The following GRIK2 variants were observed in gnomAD, a reference collection of about 807,000 sequenced individuals.
GRIK2 encodes the protein glutamate receptor ionotropic, kainate 2.
A neutral mutation model predicts 100.3 loss-of-function variants in GRIK2; 32 were observed. The observed-to-expected ratio is 0.32, with a 90% CI of 0.24 to 0.43. The LOEUF (loss-of-function observed/expected upper bound fraction) is 0.43, where lower values mean the gene tolerates loss of function less well. Ranked by LOEUF, GRIK2 falls within the 20% of genes least tolerant of loss-of-function variation. The pLI, the probability that GRIK2 is intolerant of heterozygous loss-of-function variation, is 1.00. For missense variants in GRIK2, 843 were observed against 1,114.9 expected (o/e 0.76, Z 3.47); for synonymous variants, 417 against 389.4 (o/e 1.07, Z -0.83).
chr6:101,708,969 T>A (rs545217997), intron 7 of GRIK2, among the ~76,000 whole-genome samples: 1 of 151,990 alleles, frequency 6.6e-6, no homozygotes, highest in Non-Finnish European at 1.5e-5. Context: ...GATTTCCTTG[T>A]ATATATTATT....
intron 7 of GRIK2, among the ~76,000 whole-genome samples, chr6:101,707,802 T>A (rs900077788): frequency 6.8e-4 from 103 of 151,544 alleles, no homozygotes; most frequent in Non-Finnish European, 5.9e-5. Flanking sequence ...ATCAGAAAGA[T>A]TGCAAGATCT....
intron 10 of GRIK2, among the ~76,000 whole-genome samples, chr6:101,846,581 G>A (rs1783825414): frequency 6.6e-6 from 1 of 152,058 alleles, no homozygotes; most frequent in Non-Finnish European, 1.5e-5. Context: ...AAGAGTTTGA[G>A]AAGGATTGGT....
At chr6:101,406,917 T>C (rs1775626213) in intron 2 of GRIK2, among the ~76,000 whole-genome samples, 1 of 152,130 alleles carries the variant, frequency 6.6e-6, no homozygotes, top group Non-Finnish European at 1.5e-5. Flanking sequence ...TTTCAATCAA[T>C]TAGCTACTTT....
In GRIK2 at chr6:101,978,292, A is replaced by G. The variant is rs1228772437; in HGVS notation, c.2085+49660A>G. Among the ~76,000 whole-genome samples, 5 of 152,074 alleles carry G rather than the reference A, an allele frequency of 3.3e-5. No homozygotes were observed. In the East Asian group the frequency reaches 9.7e-4, roughly 30 times the overall value. ...TGAGAGTTGTTATATGCACTTAATT[A>G]TACATTTCTATATGTAATTATAAAG... On this transcript the variant is annotated intron_variant, in intron 14 of 16. Transcript: ENST00000369134.
chr6:102,047,112 C>T (rs551201468), intron 15 of GRIK2, among the ~76,000 whole-genome samples: 18 of 151,970 alleles, frequency 1.2e-4, no homozygotes, highest in African/African-American at 4.1e-4. Context: ...TTAAAAAGAA[C>T]GAAGATCCCA....
chr6:101,691,829 A>G (rs1419606443), intron 7 of GRIK2, among the ~76,000 whole-genome samples: 32 of 152,072 alleles, frequency 2.1e-4, no homozygotes, highest in Admixed American at 2.1e-3. Flanking sequence ...TTGTATATAC[A>G]TCTTACAGCA....
At chr6:101,582,491 T>A (rs1778149711) in intron 2 of GRIK2, among the ~76,000 whole-genome samples, 1 of 152,156 alleles carries the variant, frequency 6.6e-6, no homozygotes, top group Non-Finnish European at 1.5e-5. Flanking sequence ...CCTTCTGCCA[T>A]GATTGTAAGT....
intron 2 of GRIK2, among the ~76,000 whole-genome samples, chr6:101,603,073 A>G (rs1779296816): frequency 6.6e-6 from 1 of 151,752 alleles, no homozygotes; most frequent in Admixed American, 6.6e-5. Flanking sequence ...ATTTTAATAT[A>G]TAATCTTCCT....
At chr6:101,464,542 G>GAGT (rs1354137292) in intron 2 of GRIK2, among the ~76,000 whole-genome samples, 2 of 92,564 alleles carry the variant, frequency 2.2e-5, no homozygotes, top group African/African-American at 8.3e-5. Flanking sequence ...TTTTGAGACA[G>GAGT]AGTCTCACTC....
intron 10 of GRIK2, among the ~76,000 whole-genome samples, chr6:101,838,234 A>G (rs1582347526): frequency 6.6e-6 from 1 of 152,174 alleles, no homozygotes; most frequent in East Asian, 1.9e-4. Flanking sequence ...AGTTTACTTC[A>G]TTTTGGAGAG....
rs34999814 is a variant in GRIK2, at chr6:101,601,120, G to GT, written c.116-20811dup. ...GTTCCTCTGATGCCTAGTTTGTTGA[G>GT]TTTTTTTTTTTTTTTTTTATCATGA... On this transcript the variant is annotated intron_variant, in intron 2 of 16. Coordinates refer to ENST00000369134, the MANE Select transcript of GRIK2 (RefSeq NM_021956.5). Among the ~76,000 whole-genome samples, 948 of 140,348 alleles carry GT rather than the reference G, an allele frequency of 6.8e-3. 4 individuals carry two copies. Among genetic ancestry groups the GT allele is most frequent in the East Asian group, 0.018 (85 of 4,618 alleles). 92.1% of individuals were successfully genotyped at this position (140,348 alleles called of 152,430 possible).
At chr6:101,820,809 A>T (rs561268496) in intron 10 of GRIK2, among the ~76,000 whole-genome samples, 1 of 152,092 alleles carries the variant, frequency 6.6e-6, no homozygotes, top group African/African-American at 2.4e-5. Context: ...CTCAAATGCT[A>T]CCCACTTCAT....
intron 11 of GRIK2, among the ~76,000 whole-genome samples, chr6:101,872,006 T>C (rs1450675617): frequency 2.5e-4 from 38 of 151,974 alleles, no homozygotes; most frequent in Non-Finnish European, 2.9e-5. Context: ...TTATAAGTGT[T>C]CCTTTTTCTT....
At chr6:101,739,524 C>T (rs1425099917) in intron 7 of GRIK2, among the ~76,000 whole-genome samples, 2 of 152,098 alleles carry the variant, frequency 1.3e-5, no homozygotes, top group African/African-American at 4.8e-5. Context: ...AAGTACTTCA[C>T]CTCTGGGCAG....
intron 7 of GRIK2, among the ~76,000 whole-genome samples, chr6:101,731,716 T>G (rs1247915695): frequency 6.6e-6 from 1 of 151,906 alleles, no homozygotes; most frequent in Non-Finnish European, 1.5e-5. Flanking sequence ...AACAGACACA[T>G]GTATAGACTA....
At chr6:101,457,576 C>T (rs1179160885) in intron 2 of GRIK2, among the ~76,000 whole-genome samples, 1 of 151,980 alleles carries the variant, frequency 6.6e-6, no homozygotes, top group Non-Finnish European at 1.5e-5. Flanking sequence ...GACTTTTTCA[C>T]TTCTAAAAAT....
At chr6:101,574,224 G>A (rs906315445) in intron 2 of GRIK2, among the ~76,000 whole-genome samples, 2 of 149,544 alleles carry the variant, frequency 1.3e-5, no homozygotes, top group Non-Finnish European at 3.0e-5. Context: ...TTTTAAAACA[G>A]CAAATGTGAG....
chr6:101,763,129 C>A (rs1476047767), intron 7 of GRIK2, among the ~76,000 whole-genome samples: 1 of 152,118 alleles, frequency 6.6e-6, no homozygotes, highest in Non-Finnish European at 1.5e-5. Context: ...TCCAGAGGAA[C>A]AAGAAATGAC....
chr6:101,920,731 C>CTT (rs35117228), intron 12 of GRIK2, among the ~76,000 whole-genome samples: 132,725 of 146,274 alleles, frequency 0.91, 60,274 homozygotes, highest in Middle Eastern at 0.94. Context: ...AAATACAGGG[C>CTT]TTTTTTTTTT....
Sources: allele counts gnomAD v4.1 joint callset (sites outside exome capture counted in the v4.1 genomes callset), GRCh38; gene constraint gnomAD v4.1.1; transcripts MANE v1.5; gene names NCBI Gene and HGNC (gene_info 2026-07-23, HGNC 2026-07-21).